The following CYP2C18 variants were observed in gnomAD, a reference collection of about 807,000 sequenced individuals.
CYP2C18 encodes the protein cytochrome P450 2C18.
Under a neutral mutation model 41.3 loss-of-function variants are expected in CYP2C18, and 38 were observed. The ratio of observed to expected loss-of-function variants is 0.92; its 90% confidence interval spans 0.71 to 1.21. CYP2C18 has a LOEUF of 1.21. Ranked by LOEUF, CYP2C18 falls within the 50% of genes most tolerant of loss-of-function variation. The pLI, the probability that CYP2C18 is intolerant of heterozygous loss-of-function variation, is 0.00. For missense variants in CYP2C18, 635 were observed against 591.4 expected (o/e 1.07, Z -0.77); for synonymous variants, 236 against 210.0 (o/e 1.12, Z -1.07).
intron 6 of CYP2C18, among the ~76,000 whole-genome samples, chr10:94,721,922 G>A (rs969707096): frequency 1.3e-5 from 2 of 151,944 alleles, no homozygotes; most frequent in African/African-American, 4.8e-5. Context: ...GGATGCTTGG[G>A]TTGATTTTAT....
chr10:94,714,473 A>C (rs576024207), intron 5 of CYP2C18, among the ~76,000 whole-genome samples: 1 of 152,334 alleles, frequency 6.6e-6, no homozygotes, highest in East Asian at 1.9e-4. Context: ...GGTTTGTCAA[A>C]GATCAGATGG....
chr10:94,706,304 C>T (rs1342902256), intron 4 of CYP2C18, among the ~76,000 whole-genome samples: 1 of 152,118 alleles, frequency 6.6e-6, no homozygotes, highest in Non-Finnish European at 1.5e-5. Flanking sequence ...TGCTGAGTTA[C>T]ATTTTATGGT....
chr10:94,714,617 C>A (rs1847506099), intron 5 of CYP2C18, among the ~76,000 whole-genome samples: 1 of 152,128 alleles, frequency 6.6e-6, no homozygotes, highest in African/African-American at 2.4e-5. Context: ...AGCATGATGC[C>A]TCCAGCTTTG....
intron 4 of CYP2C18, among the ~76,000 whole-genome samples, chr10:94,704,904 T>C (rs1403566691): frequency 6.6e-6 from 1 of 152,170 alleles, no homozygotes. Flanking sequence ...TTGAGAAATG[T>C]CCATTGCTTT....
At chr10:94,732,870 T>C in intron 7 of CYP2C18, among the ~76,000 whole-genome samples, 1 of 151,852 alleles carries the variant, frequency 6.6e-6, no homozygotes, top group East Asian at 1.9e-4. Flanking sequence ...ACTCGGGTGA[T>C]GGAATTATTT....
At chr10:94,698,621 A>T (rs1847170043) in intron 4 of CYP2C18, among the ~76,000 whole-genome samples, 1 of 152,218 alleles carries the variant, frequency 6.6e-6, no homozygotes, top group South Asian at 2.1e-4. Context: ...GGCAAGAAAT[A>T]ACTAAGATCA....
At chr10:94,725,442 T>A (rs970490880) in intron 7 of CYP2C18, among the ~76,000 whole-genome samples, 3 of 152,100 alleles carry the variant, frequency 2.0e-5, no homozygotes, top group Non-Finnish European at 4.4e-5. Flanking sequence ...ATTTTTCAAT[T>A]CTTATAACTC....
At chr10:94,712,912 T>C (rs916193035) in intron 5 of CYP2C18, among the ~76,000 whole-genome samples, 1 of 152,182 alleles carries the variant, frequency 6.6e-6, no homozygotes, top group Non-Finnish European at 1.5e-5. Flanking sequence ...CATTGTGTTT[T>C]TAATTTGTAA....
At chr10:94,711,414 C>CTT (rs968375297) in intron 5 of CYP2C18, among the ~76,000 whole-genome samples, 1 of 149,582 alleles carries the variant, frequency 6.7e-6, no homozygotes, top group African/African-American at 2.5e-5. Context: ...TGACTAAATT[C>CTT]TTTTTTTTTT....
intron 4 of CYP2C18, among the ~76,000 whole-genome samples, chr10:94,706,259 TA>T (rs1847341217): frequency 6.6e-6 from 1 of 152,212 alleles, no homozygotes; most frequent in Non-Finnish European, 1.5e-5. Flanking sequence ...GGAAGTATCT[TA>T]ACTACTCTGG....
At chr10:94,695,289 CT>C (rs1847094903) in intron 4 of CYP2C18, among the ~76,000 whole-genome samples, 1 of 152,112 alleles carries the variant, frequency 6.6e-6, no homozygotes, top group African/African-American at 2.4e-5. Context: ...CTATCCCTCC[CT>C]TTACCCCCAA....
chr10:94,727,071 T>C, intron 7 of CYP2C18, among the ~76,000 whole-genome samples: 1 of 152,266 alleles, frequency 6.6e-6, no homozygotes, highest in Non-Finnish European at 1.5e-5. Context: ...TACTTTTCAT[T>C]ACTTTAAATT....
chr10:94,683,950 A>T lies in CYP2C18; in HGVS notation c.131A>T (p.Gln44Leu), dbSNP rs780078851. The T allele has an allele frequency of 4.3e-6, 7 of 1,610,296 alleles. No individual in the cohort carries two copies. The East Asian group carries it at 1.3e-4, about 31-fold the overall frequency. Residue 44 changes from glutamine to leucine, a missense_variant, in exon 1 of 9, where the codon CAG becomes CTG. By Grantham distance (113) the Gln-to-Leu change is moderately radical. Transcript: ENST00000285979. Reference protein sequence around the residue: ...TPLPIIGNILQLDVKDMSKSL... With the variant: ...TPLPIIGNILLLDVKDMSKSL... Reference sequence around the variant, plus strand: ...CTCCCGATTATTGGAAATATCCTGCAGTTAGATGTTAAGGACATGAGCAAA... The same window carrying T: ...CTCCCGATTATTGGAAATATCCTGCTGTTAGATGTTAAGGACATGAGCAAA...
At position 94,735,472 on chromosome 10, in the gene CYP2C18, G is replaced by T; in HGVS notation, c.*28G>T. The T allele has an allele frequency of 6.2e-7, 1 of 1,610,610 alleles. No homozygotes were observed. The highest frequency in any genetic ancestry group is 8.5e-7 in the Non-Finnish European group (1 of 1,177,180). ...AAGGGCAGATAGTTTGGCTGCTCCT[G>T]TGCTGTCACCTGCAATTCTCCCTTA... On this transcript the variant is annotated 3_prime_UTR_variant, in exon 9 of 9. Coordinates refer to ENST00000285979, the MANE Select transcript of CYP2C18 (RefSeq NM_000772.3).
chr10:94,687,974 A>C, intron 2 of CYP2C18, 42 bp downstream of exon 2: 3 of 1,606,562 alleles, frequency 1.9e-6, no homozygotes, highest in Non-Finnish European at 2.6e-6. Flanking sequence ...ATGTGTATGT[A>C]CTGGGCAGTG....
At chr10:94,730,110 A>G (rs1362380876) in intron 7 of CYP2C18, among the ~76,000 whole-genome samples, 2 of 152,128 alleles carry the variant, frequency 1.3e-5, no homozygotes, top group South Asian at 2.1e-4. Flanking sequence ...TTTCTCTTCT[A>G]TGATGTTCCT....
At chr10:94,695,936 G>A (rs1033756676) in intron 4 of CYP2C18, among the ~76,000 whole-genome samples, 103 of 151,102 alleles carry the variant, frequency 6.8e-4, no homozygotes, top group Non-Finnish European at 1.2e-3. Context: ...GGCTGGGGGA[G>A]GGGGGCCTGC....
chr10:94,707,804 G>A (rs1002728155), intron 5 of CYP2C18, among the ~76,000 whole-genome samples: 1 of 152,166 alleles, frequency 6.6e-6, no homozygotes, highest in African/African-American at 2.4e-5. Context: ...GATCAGATAG[G>A]AGCCAAATGA....
rs1226930146 is a variant in CYP2C18, at chr10:94,722,861, AC to A, written c.962-1484del. On this transcript the variant is annotated intron_variant, in intron 6 of 8. Coordinates refer to ENST00000285979, the MANE Select transcript of CYP2C18 (RefSeq NM_000772.3). ...CCTTTTTCTATCTTGTTCCTAAAAT[AC>A]AGCAGCCAGGTGTAAACTCCAGAGG... Among the ~76,000 whole-genome samples, 16 of 152,264 alleles carry A rather than the reference AC, an allele frequency of 1.1e-4. No individual in the cohort carries two copies. In the East Asian group the frequency reaches 2.9e-3, roughly 28 times the overall value.
Sources: allele counts gnomAD v4.1 joint callset (sites outside exome capture counted in the v4.1 genomes callset), GRCh38; gene constraint gnomAD v4.1.1; transcripts MANE v1.5; gene names NCBI Gene and HGNC (gene_info 2026-07-23, HGNC 2026-07-21).